Variants in SCAND3 observed in about 807,000 individuals in gnomAD.
SCAND3 encodes the protein SCAN domain containing 3.
At chr6:28,609,566 G>A in the SCAND3 span, among the ~76,000 whole-genome samples, 3 of 152,104 alleles carry the variant, frequency 2.0e-5, no homozygotes, top group African/African-American at 7.2e-5. Context: ...TTTTGCAACT[G>A]GTATTGCTAT....
chr6:28,603,394 T>C, the SCAND3 span, among the ~76,000 whole-genome samples: 2 of 152,240 alleles, frequency 1.3e-5, no homozygotes, highest in African/African-American at 4.8e-5. Context: ...GATTTTATCA[T>C]GAAGATGCTT....
chr6:28,574,806 A>G, the SCAND3 span: 23 of 1,614,004 alleles, frequency 1.4e-5, no homozygotes, highest in Non-Finnish European at 8.5e-7. Context: ...CCTCAGTCCC[A>G]TGTTGAGAGG....
At chr6:28,575,106 A>G in the SCAND3 span, 3 of 1,614,064 alleles carry the variant, frequency 1.9e-6, no homozygotes, top group African/African-American at 2.7e-5. The surrounding 1 kb of genome is among the most constrained non-coding windows in gnomAD (Gnocchi z 4.2). Context: ...TTAGCTGAGA[A>G]TGGGACAAGC....
At chr6:28,608,250 C>G in the SCAND3 span, among the ~76,000 whole-genome samples, 1 of 152,300 alleles carries the variant, frequency 6.6e-6, no homozygotes, top group African/African-American at 2.4e-5. Flanking sequence ...TTCACTGTTT[C>G]GCCCTGAACA....
At chr6:28,609,765 A>G in the SCAND3 span, among the ~76,000 whole-genome samples, 1 of 152,238 alleles carries the variant, frequency 6.6e-6, no homozygotes, top group Non-Finnish European at 1.5e-5. Context: ...CAGGACCACA[A>G]TAAATACTTG....
chr6:28,572,647 A>G, the SCAND3 span: 4 of 1,614,052 alleles, frequency 2.5e-6, no homozygotes, highest in South Asian at 3.3e-5. The surrounding 1 kb of genome is among the most constrained non-coding windows in gnomAD (Gnocchi z 4.1). Context: ...GCCTTGCAGA[A>G]ACACTAAGAG....
chr6:28,595,355 AGAAG>A, the SCAND3 span, among the ~76,000 whole-genome samples: 14 of 132,416 alleles, frequency 1.1e-4, no homozygotes, highest in Admixed American at 1.6e-4. Flanking sequence ...AAAAAAAAAA[AGAAG>A]AAGAAGAAGA....
At chr6:28,598,890 AAAAAG>A in the SCAND3 span, among the ~76,000 whole-genome samples, 1 of 149,008 alleles carries the variant, frequency 6.7e-6, no homozygotes. Flanking sequence ...AAAAAAAAAA[AAAAAG>A]AAAAAAGAAA....
chr6:28,579,289 T>A, the SCAND3 span: 11 of 1,613,578 alleles, frequency 6.8e-6, no homozygotes, highest in Non-Finnish European at 9.3e-6. The surrounding 1 kb of genome is among the most constrained non-coding windows in gnomAD (Gnocchi z 4.5). Flanking sequence ...TTGAAGTGGG[T>A]GTGGCTCTGG....
At chr6:28,604,923 G>A in the SCAND3 span, among the ~76,000 whole-genome samples, 1 of 152,054 alleles carries the variant, frequency 6.6e-6, no homozygotes, top group Non-Finnish European at 1.5e-5. Flanking sequence ...GGCCTAACTC[G>A]GGGAAGTTTT....
chr6:28,572,337 A>G, the SCAND3 span: 3 of 1,602,604 alleles, frequency 1.9e-6, no homozygotes, highest in Non-Finnish European at 2.6e-6. This position sits in a 1 kb window ranked among gnomAD's most constrained non-coding sequence, Gnocchi z 4.1. Flanking sequence ...ATTCTAACAA[A>G]TTTGTAAGAT....
the SCAND3 span, among the ~76,000 whole-genome samples, chr6:28,595,307 G>A: frequency 2.4e-5 from 3 of 124,250 alleles, no homozygotes; most frequent in Non-Finnish European, 4.8e-5. Flanking sequence ...CTTCAGCCTC[G>A]GTGTTAGAGC....
At chr6:28,589,877 T>C in the SCAND3 span, 1 of 143,704 alleles carries the variant, frequency 7.0e-6, no homozygotes, top group Non-Finnish European at 1.5e-5. Flanking sequence ...TTTTTTTCGC[T>C]GTGGACCTTG....
chr6:28,606,134 G>A, the SCAND3 span, among the ~76,000 whole-genome samples: 1 of 152,138 alleles, frequency 6.6e-6, no homozygotes, highest in African/African-American at 2.4e-5. Context: ...CTTAAGTAAA[G>A]GAAATGGACG....
the SCAND3 span, chr6:28,570,662 C>T: frequency 1.3e-5 from 2 of 152,184 alleles, no homozygotes; most frequent in African/African-American, 4.8e-5. Flanking sequence ...AATAGCCTTC[C>T]TTTCCTTAAC....
At chr6:28,574,897 C>T in the SCAND3 span, 151 of 1,613,852 alleles carry the variant, frequency 9.4e-5, no homozygotes, top group Non-Finnish European at 1.3e-4. Context: ...ACAAACTACA[C>T]AGGATAAAAA....
the SCAND3 span, among the ~76,000 whole-genome samples, chr6:28,576,787 T>G: frequency 6.6e-6 from 1 of 151,570 alleles, no homozygotes; most frequent in African/African-American, 2.4e-5. Context: ...TTTTTTTGTA[T>G]TTTTAGTAGA....
the SCAND3 span, among the ~76,000 whole-genome samples, chr6:28,606,023 A>T: frequency 2.6e-5 from 4 of 152,208 alleles, no homozygotes; most frequent in Non-Finnish European, 4.4e-5. Flanking sequence ...CATCAGGTCA[A>T]TTGGTCAACT....
the SCAND3 span, among the ~76,000 whole-genome samples, chr6:28,602,654 G>A: frequency 2.0e-5 from 3 of 152,120 alleles, no homozygotes; most frequent in African/African-American, 7.2e-5. Context: ...TCTAGTTACT[G>A]TTTTATATTA....
Sources: allele counts gnomAD v4.1 joint callset (sites outside exome capture counted in the v4.1 genomes callset), GRCh38; gene constraint gnomAD v4.1.1; non-coding constraint Gnocchi (gnomAD v3.1); transcripts MANE v1.5; gene names NCBI Gene and HGNC (gene_info 2026-07-23, HGNC 2026-07-21).